HPD: variants seen among roughly 807,000 people sequenced by gnomAD.
The protein encoded by HPD is 4-hydroxyphenylpyruvate dioxygenase.
Under a neutral mutation model 56.9 loss-of-function variants are expected in HPD, and 35 were observed. The ratio of observed to expected loss-of-function variants is 0.62; its 90% CI spans 0.47 to 0.82. The LOEUF (loss-of-function observed/expected upper bound fraction) is 0.82, where lower values mean the gene tolerates loss of function less well. Ranked by LOEUF, HPD falls within the 40% of genes least tolerant of loss-of-function variation. HPD has a pLI of 0.00. For missense variants in HPD, 442 were observed against 506.8 expected (o/e 0.87, Z 1.23); for synonymous variants, 186 against 200.2 (o/e 0.93, Z 0.60).
At chr12:121,857,562 G>A (rs151201616) in intron 3 of HPD, 130 bp from the exon 4 acceptor site, 1 of 847,670 alleles carries the variant, frequency 1.2e-6, no homozygotes, top group Non-Finnish European at 2.0e-6. Flanking sequence ...CTCCTGGGAA[G>A]ATAGACTGCT....
chr12:121,873,872 G>A, the HPD span, among the ~76,000 whole-genome samples: 20 of 151,954 alleles, frequency 1.3e-4, no homozygotes, highest in African/African-American at 3.9e-4. Context: ...TAATCCCAGC[G>A]CTTTGGGAGG....
At chr12:121,840,524 T>C (rs1299493092) in intron 12 of HPD, among the ~76,000 whole-genome samples, 3 of 152,022 alleles carry the variant, frequency 2.0e-5, no homozygotes, top group Admixed American at 6.6e-5. Flanking sequence ...GGTCTCGAAC[T>C]CCTGACCTCA....
At chr12:121,879,938 C>T in the HPD span, among the ~76,000 whole-genome samples, 51 of 151,860 alleles carry the variant, frequency 3.4e-4, no homozygotes, top group African/African-American at 1.1e-3. Flanking sequence ...TCACTTGAGC[C>T]CAGGAATTCG....
the HPD span, among the ~76,000 whole-genome samples, chr12:121,869,594 G>A: frequency 2.8e-5 from 4 of 145,364 alleles, no homozygotes; most frequent in Non-Finnish European, 6.0e-5. Flanking sequence ...AGTGGCTCTC[G>A]GCCCACTGCA....
the HPD span, among the ~76,000 whole-genome samples, chr12:121,881,687 G>T: frequency 6.6e-6 from 1 of 151,184 alleles, no homozygotes. Context: ...TTGCTCTGTC[G>T]CCAGTCTGGA....
At chr12:121,869,714 A>G in the HPD span, among the ~76,000 whole-genome samples, 5 of 151,112 alleles carry the variant, frequency 3.3e-5, no homozygotes, top group Non-Finnish European at 7.4e-5. Context: ...TAGTAGAGAC[A>G]GGGTTTCACC....
upstream of HPD, among the ~76,000 whole-genome samples, chr12:121,864,781 G>A (rs1259551173): frequency 6.6e-6 from 1 of 151,358 alleles, no homozygotes; most frequent in Non-Finnish European, 1.5e-5. Flanking sequence ...TGAACCCGGG[G>A]CGCGGAGCTT....
the HPD span, among the ~76,000 whole-genome samples, chr12:121,881,331 C>A: frequency 2.6e-5 from 4 of 152,174 alleles, no homozygotes; most frequent in Non-Finnish European, 5.9e-5. Flanking sequence ...TCCCTCCCTG[C>A]CCTTCTCTGT....
chr12:121,862,271 A>G (rs1878194304), upstream of HPD, among the ~76,000 whole-genome samples: 1 of 150,636 alleles, frequency 6.6e-6, no homozygotes, highest in Non-Finnish European at 1.5e-5. Flanking sequence ...GACCATTTAC[A>G]TTGGGCTGCT....
intron 11 of HPD, among the ~76,000 whole-genome samples, chr12:121,845,833 G>T (rs1566569116): frequency 6.6e-6 from 1 of 152,022 alleles, no homozygotes; most frequent in Non-Finnish European, 1.5e-5. Context: ...CTCCACAAGG[G>T]CAGAAACTGT....
upstream of HPD, among the ~76,000 whole-genome samples, chr12:121,865,016 C>T (rs1878286647): frequency 1.3e-5 from 2 of 151,990 alleles, no homozygotes; most frequent in Admixed American, 1.3e-4. Context: ...GCCTGTAATC[C>T]CAGCACTTTG....
chr12:121,887,211 A>AATT, the HPD span, among the ~76,000 whole-genome samples: 7 of 144,174 alleles, frequency 4.9e-5, no homozygotes, highest in Admixed American at 2.8e-4. Flanking sequence ...TCTGCTAATT[A>AATT]ATTATTATTT....
chr12:121,883,226 GT>G, the HPD span, among the ~76,000 whole-genome samples: 13 of 138,222 alleles, frequency 9.4e-5, no homozygotes, highest in East Asian at 2.0e-4. Flanking sequence ...GTGTGTGTGT[GT>G]GTGTGTGTGG....
In HPD at chr12:121,849,173, T is replaced by G. The variant is rs533169484; in HGVS notation, c.519-97A>C. On this transcript the variant is annotated intron_variant, in intron 8 of 13. Coordinates refer to ENST00000289004, the MANE Select transcript of HPD (RefSeq NM_002150.3). ...ATAATAATAATAGCTCACACTTCTG[T>G]TTTTGGAGTTCTATTTTTTTGTAGA... 2.6e-5 allele frequency: 20 copies of G among 766,662 alleles called. 1 individual carries two copies. The South Asian group carries it at 2.7e-4, about 10-fold the overall frequency. The allele number at this position is 766,662 out of a possible 1,614,324, so 47.5% of individuals were successfully genotyped here.
chr12:121,857,894 C>A, intron 2 of HPD, 75 bp from the exon 3 acceptor site: 1 of 1,088,184 alleles, frequency 9.2e-7, no homozygotes, highest in Non-Finnish European at 1.4e-6. Context: ...GTGATGTCCC[C>A]TAGCCACCCT....
intron 7 of HPD, among the ~76,000 whole-genome samples, chr12:121,851,776 C>A (rs369014787): frequency 0.67 from 11,511 of 17,154 alleles, 4,645 homozygotes; most frequent in Non-Finnish European, 0.72. Flanking sequence ...GTGGCGCGAT[C>A]TCGGCTCACT....
Position 121,851,822 on chromosome 12 carries a change from G to A in HPD, c.415-2032C>T, listed in dbSNP as rs1162994214. ...CCTCCCGGGTTCACGCCATTCTCCT[G>A]CCTCAGCCTCCCGAGTAGCTGGGAC... On this transcript the variant is annotated intron_variant, in intron 7 of 13. Coordinates refer to ENST00000289004, the MANE Select transcript of HPD (RefSeq NM_002150.3). Among the ~76,000 whole-genome samples, 215 of 28,046 alleles carry A rather than the reference G, an allele frequency of 7.7e-3. 51 individuals carry two copies. Among genetic ancestry groups the A allele is most frequent in the Middle Eastern group, 0.048 (2 of 42 alleles). 18.4% of individuals were successfully genotyped at this position (28,046 alleles called of 152,430 possible). A position where few individuals can be genotyped will look rare whatever the true frequency, so the allele number is the denominator to read the frequency against.
At chr12:121,858,427 G>T (rs1878082967) in intron 2 of HPD, among the ~76,000 whole-genome samples, 1 of 152,012 alleles carries the variant, frequency 6.6e-6, no homozygotes. Context: ...TCAAGTATTT[G>T]CCTGCCTTGG....
chr12:121,886,147 C>A, the HPD span, among the ~76,000 whole-genome samples: 1 of 142,614 alleles, frequency 7.0e-6, no homozygotes. Context: ...CTCACTCTCT[C>A]GCCCGGGCTG....
Sources: allele counts gnomAD v4.1 joint callset (sites outside exome capture counted in the v4.1 genomes callset), GRCh38; gene constraint gnomAD v4.1.1; transcripts MANE v1.5; gene names NCBI Gene and HGNC (gene_info 2026-07-23, HGNC 2026-07-21).